Variants in SVIL observed in about 807,000 individuals in gnomAD.
The protein encoded by SVIL is supervillin, also known as archvillin.
SVIL carries 101 observed loss-of-function variants against 240.4 expected under a neutral mutation model. The ratio of observed to expected loss-of-function variants is 0.42; its 90% CI spans 0.36 to 0.50. The LOEUF (loss-of-function observed/expected upper bound fraction) is 0.50, where lower values mean the gene tolerates loss of function less well. Ranked by LOEUF, SVIL falls within the 20% of genes least tolerant of loss-of-function variation. The probability of loss-of-function intolerance (pLI) is 0.01; values close to 1 mark genes in which losing one functional copy is unlikely to be tolerated. For missense variants in SVIL, 2,512 were observed against 2,818.7 expected, an observed-to-expected ratio of 0.89 and a Z score of 2.46; for synonymous variants, 999 against 1,100.0, an observed-to-expected ratio of 0.91 and a Z score of 1.82.
At chr10:29,628,815 T>C (rs1957973882) in intron 1 of SVIL, among the ~76,000 whole-genome samples, 1 of 152,126 alleles carries the variant, frequency 6.6e-6, no homozygotes, top group Non-Finnish European at 1.5e-5. Context: ...AAATCTTAAA[T>C]GGACCTTAAG....
intron 1 of SVIL, among the ~76,000 whole-genome samples, chr10:29,704,527 G>A (rs2132652300): frequency 6.6e-6 from 1 of 152,206 alleles, no homozygotes; most frequent in East Asian, 1.9e-4. Flanking sequence ...CTCCCAAAGT[G>A]CTGGCCTCTT....
chr10:29,693,051 C>T (rs1443057396), intron 1 of SVIL, among the ~76,000 whole-genome samples: 1 of 152,132 alleles, frequency 6.6e-6, no homozygotes. Flanking sequence ...AAAAAGACTG[C>T]AACCTCAGGC....
chr10:29,605,949 C>T lies in SVIL; in HGVS notation c.-201+28471G>A, dbSNP rs575619598. 4.2e-3 allele frequency among the ~76,000 whole-genome samples: 642 copies of T among 151,930 alleles called. 7 individuals carry two copies. The highest frequency in any genetic ancestry group is 0.014 in the African/African-American group (595 of 41,468). On this transcript the variant is annotated intron_variant, in intron 1 of 37. Coordinates refer to ENST00000355867, the MANE Select transcript of SVIL (RefSeq NM_021738.3). ...ATTTTGAGATGGAGTCTTGCTCTGTCGCCCAGGCTGGAGTGCAGTAGTGCC... is the reference window on the plus strand; with the variant it reads ...ATTTTGAGATGGAGTCTTGCTCTGTTGCCCAGGCTGGAGTGCAGTAGTGCC...
intron 28 of SVIL, 63 bp downstream of exon 28, chr10:29,481,521 G>C (rs539305496): frequency 7.7e-5 from 123 of 1,601,202 alleles, no homozygotes; most frequent in African/African-American, 4.7e-4. Context: ...CATTTTACAT[G>C]AAGGCCACTT....
Position 29,523,881 on chromosome 10 carries a change from A to C in SVIL, c.2733T>G (p.Phe911Leu). 6.2e-7 allele frequency: 1 copy of C among 1,614,210 alleles called. No homozygotes were observed. ...AGTCCGAATTTTCTATTGAAGAAGAAAACTTATAGTCAGTGGCACTTGCAT... is the reference window on the plus strand; with the variant it reads ...AGTCCGAATTTTCTATTGAAGAAGACAACTTATAGTCAGTGGCACTTGCAT... ...DHNASATDYK[F>L]SSSIENSDSP... Residue 911 changes from phenylalanine (F) to leucine (L), a missense_variant, in exon 15 of 38, where the codon TTT (phenylalanine) becomes TTG (leucine). Around this residue, in one of 3 missense-constraint regions of SVIL, gnomAD observed 1,443 missense variants for 1,486.6 expected, o/e 0.97. Transcript: ENST00000355867.
chr10:29,568,031 A>C (rs556632275), intron 2 of SVIL, among the ~76,000 whole-genome samples: 10 of 151,788 alleles, frequency 6.6e-5, no homozygotes, highest in East Asian at 1.9e-4. Context: ...AAAAAAACAA[A>C]AAAAAAAACA....
intron 17 of SVIL, chr10:29,507,658 T>G: frequency 1.5e-6 from 1 of 677,906 alleles, no homozygotes; most frequent in Non-Finnish European, 1.8e-6. Flanking sequence ...AATAAGTTAT[T>G]TCCCAAAATT....
intron 1 of SVIL, among the ~76,000 whole-genome samples, chr10:29,722,933 CCAAT>C (rs1964073759): frequency 6.6e-6 from 1 of 152,186 alleles, no homozygotes; most frequent in African/African-American, 2.4e-5. Context: ...ATGACTCTGG[CCAAT>C]CATTTTTCCT....
chr10:29,614,776 G>A (rs1337720324), intron 1 of SVIL, among the ~76,000 whole-genome samples: 3 of 152,148 alleles, frequency 2.0e-5, no homozygotes. Context: ...AAACCTGCAT[G>A]TTCTGCACAT....
intron 29 of SVIL, among the ~76,000 whole-genome samples, 166 bp downstream of exon 29, chr10:29,480,370 CT>C (rs761223363): frequency 2.0e-5 from 3 of 152,178 alleles, no homozygotes; most frequent in Non-Finnish European, 4.4e-5. Context: ...GGCCTTACTT[CT>C]TTTCATCTCT....
rs1045884228 is a variant in SVIL, at chr10:29,735,204, C to G, written c.-400+547G>C. Among the ~76,000 whole-genome samples, 20 of 152,156 alleles carry G rather than the reference C, an allele frequency of 1.3e-4. No individual in the cohort carries two copies. The highest frequency in any genetic ancestry group is 4.8e-4 in the African/African-American group (20 of 41,446). On this transcript the variant is annotated intron_variant, in intron 1 of 35. Transcript: ENST00000375400. The surrounding 1 kb of genome is among the most constrained non-coding windows in gnomAD (Gnocchi z 4.1). ...TGGGGTGGCCTGGCGCACCACGCAT[C>G]GGGTTCAAACCCGCGCGGGCCCTGC...
At chr10:29,505,882 G>A (rs1446578676) in intron 17 of SVIL, among the ~76,000 whole-genome samples, 1 of 152,072 alleles carries the variant, frequency 6.6e-6, no homozygotes, top group Non-Finnish European at 1.5e-5. Context: ...GTCTATGGGG[G>A]ACTGGTTCAA....
intron 1 of SVIL, among the ~76,000 whole-genome samples, chr10:29,731,395 A>T (rs1245284803): frequency 6.6e-6 from 1 of 152,218 alleles, no homozygotes; most frequent in East Asian, 1.9e-4. Flanking sequence ...TGGGCAAGGT[A>T]CCCTCCAGCT....
At chr10:29,622,590 C>G (rs1957704504) in intron 1 of SVIL, among the ~76,000 whole-genome samples, 1 of 152,176 alleles carries the variant, frequency 6.6e-6, no homozygotes, top group Non-Finnish European at 1.5e-5. Context: ...TCTAATCATG[C>G]ACATCACAGC....
At position 29,544,483 on chromosome 10, in the gene SVIL, G is replaced by A. The variant is rs572767734; in HGVS notation, c.827+6114C>T. Among the ~76,000 whole-genome samples the A allele has an allele frequency of 2.6e-5, 4 of 152,198 alleles. No individual in the cohort carries two copies. In the South Asian group the frequency reaches 8.3e-4, roughly 32 times the overall value. ...TGAATAGGAATAGTCTGCCAGGCCC[G>A]GTGGCTCACACGTGTAGTCCCAGCA... On this transcript the variant is annotated intron_variant, in intron 6 of 37. Transcript: ENST00000355867.
intron 24 of SVIL, 110 bp from the exon 25 acceptor site, chr10:29,486,667 T>TG: frequency 7.8e-7 from 1 of 1,280,442 alleles, no homozygotes; most frequent in Non-Finnish European, 1.1e-6. Context: ...GAAAGCCTTG[T>TG]GACCACGGGT....
At chr10:29,554,760 G>T in intron 5 of SVIL, 23 bp downstream of exon 5, 1 of 1,518,202 alleles carries the variant, frequency 6.6e-7, no homozygotes. Context: ...GCTGGAAAAT[G>T]GGCCACCCAG....
chr10:29,607,824 A>T (rs1957081468), intron 1 of SVIL, among the ~76,000 whole-genome samples: 1 of 152,176 alleles, frequency 6.6e-6, no homozygotes, highest in Non-Finnish European at 1.5e-5. Flanking sequence ...CAACCCCTTC[A>T]CGGGCAAGGC....
chr10:29,639,391 G>A (rs1054578584), upstream of SVIL, among the ~76,000 whole-genome samples: 6 of 151,288 alleles, frequency 4.0e-5, no homozygotes, highest in African/African-American at 7.3e-5. Flanking sequence ...GGATGGTCTC[G>A]ATCTCTCGAT....
Sources: allele counts gnomAD v4.1 joint callset (sites outside exome capture counted in the v4.1 genomes callset), GRCh38; gene constraint gnomAD v4.1.1; regional missense constraint gnomAD v4.1.1; non-coding constraint Gnocchi (gnomAD v3.1); transcripts MANE v1.5; gene names NCBI Gene and HGNC (gene_info 2026-07-23, HGNC 2026-07-21).